ARID1B: variants seen among roughly 807,000 people sequenced by gnomAD.
ARID1B encodes the protein AT-rich interactive domain-containing protein 1B.
In ARID1B, 30 loss-of-function variants were observed where a neutral mutation model predicts 212.3. The observed-to-expected ratio is 0.14, with a 90% CI of 0.11 to 0.19. The LOEUF (loss-of-function observed/expected upper bound fraction) is 0.19, where lower values mean the gene tolerates loss of function less well. Ranked by LOEUF, ARID1B falls within the 10% of genes least tolerant of loss-of-function variation. ARID1B has a pLI of 1.00. For missense variants in ARID1B, 2,891 were observed against 3,204.0 expected (o/e 0.90, Z 2.36); for synonymous variants, 1,402 against 1,301.7 (o/e 1.08, Z -1.66).
At chr6:156,889,199 T>C (rs1434671058) in intron 2 of ARID1B, among the ~76,000 whole-genome samples, 5 of 152,220 alleles carry the variant, frequency 3.3e-5, no homozygotes, top group Non-Finnish European at 7.3e-5. Flanking sequence ...AAATATGCTA[T>C]TTTTTAAGCT....
intron 4 of ARID1B, among the ~76,000 whole-genome samples, chr6:157,040,296 A>G (rs1781797400): frequency 6.6e-6 from 1 of 152,182 alleles, no homozygotes; most frequent in African/African-American, 2.4e-5. Context: ...AAACGCATTC[A>G]CAATTGGTGT....
intron 4 of ARID1B, among the ~76,000 whole-genome samples, chr6:157,021,295 C>T (rs1780232393): frequency 6.6e-6 from 1 of 152,226 alleles, no homozygotes; most frequent in African/African-American, 2.4e-5. Flanking sequence ...ACGGAAGAAG[C>T]CGAGCTCCTC....
chr6:156,831,143 G>A (rs188599479), intron 2 of ARID1B, among the ~76,000 whole-genome samples: 90 of 152,294 alleles, frequency 5.9e-4, no homozygotes, highest in African/African-American at 2.1e-3. Context: ...GAAGAGTTGC[G>A]ATTTTCTCTC....
chr6:156,907,293 G>A (rs893582692), intron 3 of ARID1B, among the ~76,000 whole-genome samples: 2 of 152,012 alleles, frequency 1.3e-5, no homozygotes, highest in Non-Finnish European at 2.9e-5. Flanking sequence ...TCTAGTTTGC[G>A]AAGAGATTTT....
intron 1 of ARID1B, among the ~76,000 whole-genome samples, chr6:156,806,519 A>C (rs1289482580): frequency 6.6e-6 from 1 of 152,252 alleles, no homozygotes; most frequent in East Asian, 1.9e-4. Context: ...GCTTAATAAT[A>C]CTACTTTACA....
Position 156,778,538 on chromosome 6 carries a change from G to C in ARID1B, c.858G>C (p.Pro286=), listed in dbSNP as rs1459256173. Residue 286 remains proline (P), a synonymous_variant, in exon 1 of 20, where the codon CCG becomes CCC. Coordinates refer to ENST00000636930, the MANE Select transcript of ARID1B (RefSeq NM_001374828.1). ...GEPAGGRYEH[P]GLGALGTQQP... Reference sequence around the variant, plus strand: ...CGGCGGGCGGCCGCTACGAGCACCCGGGCTTGGGCGCCCTGGGCACGCAGC... The same window carrying C: ...CGGCGGGCGGCCGCTACGAGCACCCCGGCTTGGGCGCCCTGGGCACGCAGC... The C allele has an allele frequency of 2.4e-6, 3 of 1,227,390 alleles. No homozygotes were observed. The highest frequency in any genetic ancestry group is 3.0e-6 in the Non-Finnish European group (3 of 987,518). The allele number at this position is 1,227,390 out of a possible 1,614,324, so 76.0% of individuals were successfully genotyped here. A position where few individuals can be genotyped will look rare whatever the true frequency, so the allele number is the denominator to read the frequency against.
intron 1 of ARID1B, among the ~76,000 whole-genome samples, chr6:156,807,757 TTTGGGTAATTTG>T (rs1163018800): frequency 1.3e-5 from 2 of 152,248 alleles, no homozygotes; most frequent in Non-Finnish European, 2.9e-5. Flanking sequence ...GACTTTTTGC[TTTGGGTAATTTG>T]TTGTGTGAGC....
chr6:157,044,240 C>A (rs1211061303), intron 4 of ARID1B, among the ~76,000 whole-genome samples: 1 of 152,064 alleles, frequency 6.6e-6, no homozygotes, highest in African/African-American at 2.4e-5. Context: ...AATATAATTT[C>A]AAATAGAATA....
chr6:156,914,140 G>A (rs1227688076), intron 3 of ARID1B, among the ~76,000 whole-genome samples: 4 of 108,458 alleles, frequency 3.7e-5, no homozygotes, highest in African/African-American at 7.3e-5. Context: ...CTCCACTCCC[G>A]AACTGCCAGC....
intron 4 of ARID1B, among the ~76,000 whole-genome samples, chr6:157,074,815 A>C (rs1008481482): frequency 6.6e-6 from 1 of 152,154 alleles, no homozygotes; most frequent in Admixed American, 6.5e-5. Flanking sequence ...GCTCCAGGGA[A>C]CAGGGTAATT....
chr6:156,827,200 C>G (rs1255305024), intron 1 of ARID1B, among the ~76,000 whole-genome samples: 1 of 152,188 alleles, frequency 6.6e-6, no homozygotes, highest in East Asian at 1.9e-4. Context: ...TCTCTTCCTT[C>G]TGGGCATTTT....
chr6:157,121,473 C>T (rs2128550277), intron 6 of ARID1B, among the ~76,000 whole-genome samples: 1 of 152,184 alleles, frequency 6.6e-6, no homozygotes, highest in South Asian at 2.1e-4. Flanking sequence ...CAAAAATATT[C>T]ATTTTTTCCT....
At chr6:156,821,485 C>G (rs903385104) in intron 1 of ARID1B, among the ~76,000 whole-genome samples, 2 of 152,170 alleles carry the variant, frequency 1.3e-5, no homozygotes, top group Admixed American at 6.5e-5. Context: ...TGACAGGGAG[C>G]AGACTTTTGT....
chr6:156,970,996 A>G (rs1489429894), intron 4 of ARID1B, among the ~76,000 whole-genome samples: 1 of 152,162 alleles, frequency 6.6e-6, no homozygotes, highest in Non-Finnish European at 1.5e-5. Flanking sequence ...CCCTGATGCT[A>G]GTCACCCAAA....
intron 2 of ARID1B, among the ~76,000 whole-genome samples, chr6:156,848,445 G>A (rs1784368273): frequency 6.6e-6 from 1 of 152,194 alleles, no homozygotes; most frequent in Non-Finnish European, 1.5e-5. Flanking sequence ...CTCTACATAT[G>A]GTCTTTCAAA....
intron 4 of ARID1B, among the ~76,000 whole-genome samples, chr6:157,058,770 A>G (rs1032472392): frequency 1.3e-5 from 2 of 152,104 alleles, no homozygotes; most frequent in African/African-American, 4.8e-5. Context: ...GGCCCTCATC[A>G]TTTGCAATGC....
chr6:157,187,106 T>A (rs1583474666), intron 13 of ARID1B, among the ~76,000 whole-genome samples: 1 of 152,162 alleles, frequency 6.6e-6, no homozygotes, highest in African/African-American at 2.4e-5. Context: ...GTTTGTGTCT[T>A]TAAGGTGCCA....
Position 157,200,737 on chromosome 6 carries a change from G to T in ARID1B, c.4512G>T (p.Gly1504=). ...NYKRHMDGMY[G]PPAKRHEGDM... is the part of the protein sequence containing the mutation. The stretch of plus-strand genomic sequence containing the variant: ...AACGCCATATGGACGGCATGTACGG[G>T]CCCCCAGCCAAGCGCCACGAGGGCG... The change falls in exon 18 of 20, where the codon GGG becomes GGT. Residue 1504 remains glycine (G), a synonymous_variant. Coordinates refer to ENST00000636930, the MANE Select transcript of ARID1B (RefSeq NM_001374828.1). The surrounding 1 kb of genome is among the most constrained non-coding windows in gnomAD (Gnocchi z 4.3). 2 of 1,612,914 alleles carry T rather than the reference G, an allele frequency of 1.2e-6. No individual in the cohort carries two copies. Among genetic ancestry groups the T allele is most frequent in the Non-Finnish European group, 8.5e-7 (1 of 1,179,544 alleles).
intron 4 of ARID1B, among the ~76,000 whole-genome samples, chr6:156,999,097 T>C (rs7757945): frequency 0.59 from 89,179 of 152,058 alleles, 27,317 homozygotes; most frequent in African/African-American, 0.77. Flanking sequence ...CCCTGGTGGC[T>C]GTGGCGGTGC....
Sources: gnomAD v4.1 joint callset for allele counts (sites outside exome capture counted in the v4.1 genomes callset) on GRCh38, gnomAD v4.1.1 for gene constraint, Gnocchi (gnomAD v3.1) non-coding constraint, MANE v1.5 for transcripts, NCBI Gene and HGNC (gene_info 2026-07-23, HGNC 2026-07-21) for gene names.